The following ERAP1 variants were observed in gnomAD, a reference collection of about 807,000 sequenced individuals.
The protein encoded by ERAP1 is endoplasmic reticulum aminopeptidase 1, also known as adipocyte-derived leucine aminopeptidase.
Under a neutral mutation model 103.7 loss-of-function variants are expected in ERAP1, and 86 were observed. The ratio of observed to expected loss-of-function variants is 0.83; its 90% CI spans 0.70 to 0.99. The LOEUF (loss-of-function observed/expected upper bound fraction) is 0.99, where lower values mean the gene tolerates loss of function less well. ERAP1 is among the 50% of genes least tolerant of loss of function. The pLI is 0.00. For synonymous variants in ERAP1, 398 were observed against 402.4 expected (o/e 0.99, Z 0.13); for missense variants, 1,009 against 1,128.4 (o/e 0.89, Z 1.52).
At chr5:96,804,389 G>C in intron 1 of ERAP1, 1 of 264,104 alleles carries the variant, frequency 3.8e-6, no homozygotes, top group South Asian at 4.0e-5. Flanking sequence ...ACTCCCCACT[G>C]ACACTGGACC....
At chr5:96,821,665 A>G in the ERAP1 span, among the ~76,000 whole-genome samples, 1 of 152,232 alleles carries the variant, frequency 6.6e-6, no homozygotes, top group Non-Finnish European at 1.5e-5. Context: ...ATGTAGTCAA[A>G]GAAAGAGACA....
chr5:96,838,111 G>A, the ERAP1 span, among the ~76,000 whole-genome samples: 4 of 152,142 alleles, frequency 2.6e-5, no homozygotes, highest in Non-Finnish European at 2.9e-5. Flanking sequence ...GCGGGAAAAC[G>A]GGAATGCATG....
Position 96,795,174 on chromosome 5 carries a change from G to A in ERAP1, c.799-12C>T. On this transcript the variant is annotated splice_polypyrimidine_tract_variant and intron_variant, in intron 4 of 18. Coordinates refer to ENST00000443439, the MANE Select transcript of ERAP1 (RefSeq NM_001040458.3). The stretch of plus-strand genomic sequence containing the variant: ...GCATAAACAGAAACCTAAAGAGAAA[G>A]GCACAGAAAGGAATTCAAATATCTT... 21 of 1,612,772 alleles carry A rather than the reference G, an allele frequency of 1.3e-5. No homozygotes were observed. Among genetic ancestry groups the A allele is most frequent in the Non-Finnish European group, 1.7e-5 (20 of 1,179,858 alleles).
chr5:96,893,110 T>C, the ERAP1 span, among the ~76,000 whole-genome samples: 59 of 152,310 alleles, frequency 3.9e-4, no homozygotes, highest in African/African-American at 1.3e-3. Flanking sequence ...GAAATACTAC[T>C]ATTTCTTGCA....
the ERAP1 span, among the ~76,000 whole-genome samples, chr5:96,906,861 G>A: frequency 6.6e-6 from 1 of 152,064 alleles, no homozygotes; most frequent in Admixed American, 6.6e-5. Context: ...TTGAAACCCC[G>A]TCTCTACTAA....
chr5:96,814,625 CT>C, the ERAP1 span, among the ~76,000 whole-genome samples: 1 of 152,120 alleles, frequency 6.6e-6, no homozygotes. Context: ...TCAATGATAG[CT>C]TTTTTCCTGA....
At chr5:96,831,351 A>T in the ERAP1 span, among the ~76,000 whole-genome samples, 6 of 152,160 alleles carry the variant, frequency 3.9e-5, no homozygotes, top group East Asian at 1.2e-3. Flanking sequence ...ACCAGGCCCC[A>T]CCTCCAACAC....
chr5:96,879,600 A>T, the ERAP1 span: 1 of 1,028,672 alleles, frequency 9.7e-7, no homozygotes, highest in Admixed American at 2.0e-5. Context: ...TTCAGACCCC[A>T]TGTGACATAA....
At chr5:96,879,943 C>T in the ERAP1 span, 5 of 1,614,174 alleles carry the variant, frequency 3.1e-6, no homozygotes, top group East Asian at 4.5e-5. Context: ...ACCCCAATCT[C>T]ACCTCTCTGG....
At chr5:96,779,014 T>G (rs1669690724) in intron 18 of ERAP1, among the ~76,000 whole-genome samples, 1 of 152,198 alleles carries the variant, frequency 6.6e-6, no homozygotes, top group Non-Finnish European at 1.5e-5. Context: ...ACAATACTCC[T>G]CTAGATGTTG....
rs746973080 is a variant in ERAP1 at position 96,792,094 on chromosome 5, G to A, written c.1287C>T (p.Ile429=). Reference sequence around the variant, plus strand: ...AAGAAACATCATCAAACATCTCCCGGATCTGAGCAGGATTTTCCACAGGTG... The same window carrying A: ...AAGAAACATCATCAAACATCTCCCGAATCTGAGCAGGATTTTCCACAGGTG... The part of the protein sequence containing the change: ...VSTPVENPAQ[I]REMFDDVSYD... The change falls in exon 8 of 19, where the codon ATC becomes ATT. Residue 429 remains isoleucine (I), a synonymous_variant. Coordinates refer to ENST00000443439, the MANE Select transcript of ERAP1 (RefSeq NM_001040458.3). 1.2e-6 allele frequency: 2 copies of A among 1,613,990 alleles called. No homozygotes were observed. The highest frequency in any genetic ancestry group is 1.7e-6 in the Non-Finnish European group (2 of 1,179,920).
chr5:96,772,077 A>G, downstream of ERAP1: 1 of 158,048 alleles, frequency 6.3e-6, no homozygotes, highest in Non-Finnish European at 1.4e-5. Context: ...AGACATTGGC[A>G]TTCCCCAGAA....
chr5:96,772,832 T>C (rs1000477027), downstream of ERAP1: 1 of 152,998 alleles, frequency 6.5e-6, no homozygotes, highest in Admixed American at 6.5e-5. Flanking sequence ...TACTGAGTAT[T>C]GATAAACTTT....
At chr5:96,768,077 A>G (rs1265356267) in intron 19 of ERAP1, 10 of 943,784 alleles carry the variant, frequency 1.1e-5, no homozygotes, top group African/African-American at 8.2e-5. Flanking sequence ...TTATTTATTG[A>G]TTGATCTATC....
chr5:96,785,468 C>T (rs1053109925), intron 13 of ERAP1: 6 of 377,454 alleles, frequency 1.6e-5, no homozygotes, highest in Admixed American at 7.5e-5. Flanking sequence ...GAAGAAGCTG[C>T]GGGACCATGC....
the ERAP1 span, among the ~76,000 whole-genome samples, chr5:96,855,810 G>T: frequency 4.6e-5 from 7 of 152,038 alleles, no homozygotes; most frequent in Admixed American, 3.9e-4. Context: ...TAGGTAAAAG[G>T]GAATAGAAAG....
chr5:96,896,185 G>T, the ERAP1 span, among the ~76,000 whole-genome samples: 1 of 151,982 alleles, frequency 6.6e-6, no homozygotes, highest in African/African-American at 2.4e-5. Flanking sequence ...TCTTTTTAAA[G>T]TAGAGAAACT....
At chr5:96,916,267 A>G in the ERAP1 span, among the ~76,000 whole-genome samples, 2 of 151,810 alleles carry the variant, frequency 1.3e-5, no homozygotes, top group Non-Finnish European at 1.5e-5. Flanking sequence ...CAGCAAAAAA[A>G]AGCCCCTGAC....
chr5:96,858,214 C>CTTT, the ERAP1 span, among the ~76,000 whole-genome samples: 13 of 144,562 alleles, frequency 9.0e-5, 1 homozygote, highest in South Asian at 2.2e-4. Context: ...CCTTGTTCTT[C>CTTT]TTCTTTTTTT....
Sources: gnomAD v4.1 joint callset for allele counts (sites outside exome capture counted in the v4.1 genomes callset) on GRCh38, gnomAD v4.1.1 for gene constraint, MANE v1.5 for transcripts, NCBI Gene and HGNC (gene_info 2026-07-23, HGNC 2026-07-21) for gene names.